ANKS1B: variants seen among roughly 807,000 people sequenced by gnomAD.
The protein encoded by ANKS1B is ankyrin repeat and sterile alpha motif domain-containing protein 1B.
In ANKS1B, 36 loss-of-function variants were observed where a neutral mutation model predicts 148.3. That is an observed-to-expected ratio of 0.24 (90% CI 0.19 to 0.32). The LOEUF (loss-of-function observed/expected upper bound fraction) is 0.32, where lower values mean the gene tolerates loss of function less well. Ranked by LOEUF, ANKS1B falls within the 10% of genes least tolerant of loss-of-function variation. The pLI is 1.00. For synonymous variants in ANKS1B, 542 were observed against 560.8 expected (o/e 0.97, Z 0.47); for missense variants, 1,157 against 1,542.6 (o/e 0.75, Z 4.19).
chr12:99,456,266 A>C (rs904103563), intron 10 of ANKS1B, among the ~76,000 whole-genome samples: 1 of 152,170 alleles, frequency 6.6e-6, no homozygotes. Flanking sequence ...AAGAATCTTA[A>C]CAGAAGCCCT....
chr12:99,778,625 T>C (rs1010790739), intron 6 of ANKS1B, among the ~76,000 whole-genome samples: 1 of 152,194 alleles, frequency 6.6e-6, no homozygotes, highest in Non-Finnish European at 1.5e-5. Context: ...TTTTAGCTTT[T>C]ATTCAATTTA....
At position 99,121,633 on chromosome 12, in the gene ANKS1B, C is replaced by T. The variant is rs146484048; in HGVS notation, c.2526+32656G>A. 2.9e-3 allele frequency among the ~76,000 whole-genome samples: 448 copies of T among 152,220 alleles called. 2 individuals carry two copies. The highest frequency in any genetic ancestry group is 0.01 in the African/African-American group (422 of 41,550). ...TTGTGGAAGCAGGATCAGTAGGATG[C>T]GCTGCGATGTATCCTGGCAGTGGAG... On this transcript the variant is annotated intron_variant, in intron 15 of 26. Coordinates refer to ENST00000683438, the MANE Select transcript of ANKS1B (RefSeq NM_001352186.2).
At chr12:99,180,382 G>T (rs2078965015) in intron 14 of ANKS1B, among the ~76,000 whole-genome samples, 1 of 152,164 alleles carries the variant, frequency 6.6e-6, no homozygotes, top group Non-Finnish European at 1.5e-5. Flanking sequence ...CTTGCACAAA[G>T]GGGGCTAAAC....
At chr12:99,313,458 C>T (rs2083486004) in intron 12 of ANKS1B, among the ~76,000 whole-genome samples, 2 of 152,058 alleles carry the variant, frequency 1.3e-5, no homozygotes, top group Admixed American at 6.6e-5. Flanking sequence ...GGCAGAGACA[C>T]AACAACAACA....
chr12:99,008,221 G>A (rs1245764366), intron 17 of ANKS1B, among the ~76,000 whole-genome samples: 2 of 152,078 alleles, frequency 1.3e-5, no homozygotes, highest in East Asian at 3.9e-4. Context: ...CTATTATAAT[G>A]ATAAACTTTG....
chr12:98,996,362 T>C (rs185523673), intron 17 of ANKS1B, among the ~76,000 whole-genome samples: 5 of 152,240 alleles, frequency 3.3e-5, no homozygotes, highest in Admixed American at 6.5e-5. Context: ...AATTTAAATT[T>C]CCAATGTCAT....
At chr12:98,957,343 T>TTATA (rs2099864153) in intron 17 of ANKS1B, among the ~76,000 whole-genome samples, 1 of 149,208 alleles carries the variant, frequency 6.7e-6, no homozygotes, top group South Asian at 2.1e-4. Context: ...ATTTATTTAT[T>TTATA]TATTTATTTA....
chr12:99,038,734 C>T (rs905649138), intron 17 of ANKS1B, among the ~76,000 whole-genome samples: 11 of 152,210 alleles, frequency 7.2e-5, no homozygotes, highest in East Asian at 3.9e-4. Context: ...CAAACAGGCA[C>T]GGTCCTGCCG....
chr12:99,129,770 G>T (rs2065557574), intron 15 of ANKS1B, among the ~76,000 whole-genome samples: 1 of 152,120 alleles, frequency 6.6e-6, no homozygotes, highest in Non-Finnish European at 1.5e-5. Context: ...TATCAAAATG[G>T]TATTGATCTT....
Position 99,772,667 on chromosome 12 carries a change from A to T in ANKS1B, c.1128+255T>A, listed in dbSNP as rs367981016. ...AAGGAACACAACAACAACAACAACA[A>T]CAAATACCAAAAATCCATGTTTTTA... On this transcript the variant is annotated intron_variant, in intron 8 of 26. Transcript: ENST00000683438. The T allele has an allele frequency of 5.2e-5, 15 of 291,142 alleles. No individual in the cohort carries two copies. In the South Asian group the frequency reaches 1.5e-3, roughly 29 times the overall value. 18.0% of individuals were successfully genotyped at this position (291,142 alleles called of 1,614,324 possible). A position where few individuals can be genotyped will look rare whatever the true frequency, so the allele number is the denominator to read the frequency against.
chr12:99,356,323 G>T (rs1592979126), intron 12 of ANKS1B, among the ~76,000 whole-genome samples: 1 of 152,282 alleles, frequency 6.6e-6, no homozygotes, highest in East Asian at 1.9e-4. Flanking sequence ...TAGAATGCCA[G>T]GGAAAACTGT....
rs554655874 is a variant in ANKS1B, at chr12:99,633,939, T to C, written c.1272+21128A>G. Among the ~76,000 whole-genome samples, 17 of 152,234 alleles carry C rather than the reference T, an allele frequency of 1.1e-4. No homozygotes were observed. The East Asian group carries it at 3.3e-3, about 29-fold the overall frequency. ...GTATAACACCACTGTATCTTGAATG[T>C]AGGTAGCTTGTTTTGATATCATGAG... On this transcript the variant is annotated intron_variant, in intron 9 of 26. Coordinates refer to ENST00000683438, the MANE Select transcript of ANKS1B (RefSeq NM_001352186.2).
At chr12:99,400,356 A>G (rs952869819) in intron 11 of ANKS1B, among the ~76,000 whole-genome samples, 2 of 146,178 alleles carry the variant, frequency 1.4e-5, no homozygotes, top group African/African-American at 5.2e-5. Flanking sequence ...AACATTTTCT[A>G]AGATCTAAGA....
chr12:99,226,353 AT>A (rs1375504389), intron 14 of ANKS1B, among the ~76,000 whole-genome samples: 4 of 152,100 alleles, frequency 2.6e-5, no homozygotes, highest in African/African-American at 9.7e-5. Context: ...ATTATACAAC[AT>A]TTGCTTGTGT....
At chr12:99,230,405 G>A (rs534175945) in intron 14 of ANKS1B, among the ~76,000 whole-genome samples, 4 of 152,116 alleles carry the variant, frequency 2.6e-5, no homozygotes, top group African/African-American at 9.6e-5. Flanking sequence ...ACTAATGGGC[G>A]ATTTCACTTG....
intron 12 of ANKS1B, among the ~76,000 whole-genome samples, chr12:99,290,710 T>C (rs1244086531): frequency 2.6e-5 from 4 of 152,042 alleles, no homozygotes; most frequent in East Asian, 3.8e-4. Flanking sequence ...AAGCATTTGA[T>C]AAAATTCAAT....
At chr12:98,800,727 C>T (rs1314959023) in intron 21 of ANKS1B, among the ~76,000 whole-genome samples, 8 of 131,976 alleles carry the variant, frequency 6.1e-5, no homozygotes, top group African/African-American at 1.2e-4. Context: ...TAAGATTGTA[C>T]GTTATAACAT....
At chr12:99,033,384 G>T (rs1353903920) in intron 17 of ANKS1B, among the ~76,000 whole-genome samples, 1 of 152,200 alleles carries the variant, frequency 6.6e-6, no homozygotes, top group Non-Finnish European at 1.5e-5. Context: ...AGTAGTCATG[G>T]TGTATAATAT....
chr12:98,888,186 C>T, intron 17 of ANKS1B, among the ~76,000 whole-genome samples: 1 of 152,086 alleles, frequency 6.6e-6, no homozygotes. Flanking sequence ...GACTTTTTTC[C>T]TTCAAATGCC....
Sources: gnomAD v4.1 joint callset for allele counts (sites outside exome capture counted in the v4.1 genomes callset) on GRCh38, gnomAD v4.1.1 for gene constraint, MANE v1.5 for transcripts, NCBI Gene and HGNC (gene_info 2026-07-23, HGNC 2026-07-21) for gene names.